TTN: variants seen among roughly 807,000 people sequenced by gnomAD.
TTN encodes titin, also known as connectin.
In TTN, 1,525 loss-of-function variants were observed where a neutral mutation model predicts 3,223.0. That is an observed-to-expected ratio of 0.47 (90% CI 0.45 to 0.49). The LOEUF is 0.49. Ranked by LOEUF, TTN falls within the 20% of genes least tolerant of loss-of-function variation. TTN has a pLI of 0.00. For missense variants in TTN, 40,786 were observed against 43,424.0 expected (o/e 0.94, Z 5.40); for synonymous variants, 14,094 against 15,161.0 (o/e 0.93, Z 5.17).
Position 178,592,378 on chromosome 2 carries a change from C to G in TTN, c.59626+1G>C. ...AATGGCCTAAGTAGTAAAATTCTTACCTAATACAAGTACTTTTACTGAGAC... is the reference window on the plus strand; with the variant it reads ...AATGGCCTAAGTAGTAAAATTCTTAGCTAATACAAGTACTTTTACTGAGAC... On this transcript the variant is annotated splice_donor_variant, in intron 301 of 362. Coordinates refer to ENST00000589042, the MANE Select transcript of TTN (RefSeq NM_001267550.2). LOFTEE classifies it high-confidence loss of function. 1 of 1,610,848 alleles carries G rather than the reference C, an allele frequency of 6.2e-7. No individual in the cohort carries two copies. The highest frequency in any genetic ancestry group is 8.5e-7 in the Non-Finnish European group (1 of 1,179,044).
rs779520068 is a variant in TTN at position 178,579,212 on chromosome 2, T to A, written c.67818A>T (p.Thr22606=). ...TTTGGCAATCGTACACTATAAGAGT[T>A]GTGTTAACCGCAGATGACTCAACAC... ...RVSVESSAVN[T]TLIVYDCQKS... The change falls in exon 320 of 363, where the codon ACA becomes ACT. Residue 22606 remains threonine, a synonymous_variant. Coordinates refer to ENST00000589042, the MANE Select transcript of TTN (RefSeq NM_001267550.2). The A allele has an allele frequency of 1.2e-6, 2 of 1,613,532 alleles. No homozygotes were observed. The highest frequency in any genetic ancestry group is 2.2e-5 in the South Asian group (2 of 91,064).
chr2:178,749,972 G>T, intron 47 of TTN: 1 of 1,613,156 alleles, frequency 6.2e-7, no homozygotes. Flanking sequence ...TCTGTGTTTT[G>T]GTGATTGAGT....
At chr2:178,750,579 GT>G (rs754802969) in intron 47 of TTN, 1 of 1,612,384 alleles carries the variant, frequency 6.2e-7, no homozygotes, top group Non-Finnish European at 8.5e-7. Context: ...GGTGGGCAAC[GT>G]TGTGGGCGTT....
chr2:178,527,681 G>A lies in TTN; in HGVS notation c.107445C>T (p.Ser35815=). 3 of 1,613,396 alleles carry A rather than the reference G, an allele frequency of 1.9e-6. No homozygotes were observed. The highest frequency in any genetic ancestry group is 2.5e-6 in the Non-Finnish European group (3 of 1,179,418). The change falls in exon 362 of 363, where the codon AGC becomes AGT. Residue 35815 remains serine, a synonymous_variant. Transcript: ENST00000589042. The stretch of plus-strand genomic sequence containing the variant: ...ACATTTGGACTGACTGAGACGAGAA[G>A]CTTCCTTGCAAGCTTGTGTCACCAC... ...RTSGDTSLQG[S]FSSQSVQMSA...
At position 178,680,248 on chromosome 2, in the gene TTN, A is replaced by C. The variant is rs200574819; in HGVS notation, c.33418+6T>G. On this transcript the variant is annotated splice_donor_region_variant and intron_variant, in intron 139 of 362. Coordinates refer to ENST00000589042, the MANE Select transcript of TTN (RefSeq NM_001267550.2). ...ACAAAACATTAAAATGAGTGCCATTAGGTACCTCTAACAGGTGGTGCTACT... is the reference window on the plus strand; with the variant it reads ...ACAAAACATTAAAATGAGTGCCATTCGGTACCTCTAACAGGTGGTGCTACT... 9.9e-6 allele frequency: 16 copies of C among 1,612,124 alleles called. No individual in the cohort carries two copies. In the African/African-American group the frequency reaches 1.9e-4, roughly 19 times the overall value.
chr2:178,721,823 T>C lies in TTN; in HGVS notation c.22816+24A>G, dbSNP rs768060290. ...ATGCAAATATGGTAAGGAACAAATA[T>C]TGTCAAAAGTCATGGAATGATACCT... On this transcript the variant is annotated intron_variant, in intron 78 of 362. Coordinates refer to ENST00000589042, the MANE Select transcript of TTN (RefSeq NM_001267550.2). The C allele has an allele frequency of 1.1e-5, 16 of 1,470,930 alleles. No homozygotes were observed. In the East Asian group the frequency reaches 1.2e-4, roughly 11 times the overall value. 91.1% of individuals were successfully genotyped at this position (1,470,930 alleles called of 1,614,324 possible). A position where few individuals can be genotyped will look rare whatever the true frequency, so the allele number is the denominator to read the frequency against.
intron 47 of TTN, chr2:178,745,221 T>C (rs2083261677): frequency 1.9e-6 from 2 of 1,062,690 alleles, no homozygotes; most frequent in Non-Finnish European, 2.3e-6. Flanking sequence ...CACTTTTACA[T>C]TGTACTTTTG....
chr2:178,600,863 C>A lies in TTN; in HGVS notation c.56041G>T (p.Asp18681Tyr). 1 of 1,612,780 alleles carries A rather than the reference C, an allele frequency of 6.2e-7. No homozygotes were observed. Among genetic ancestry groups the A allele is most frequent in the Non-Finnish European group, 8.5e-7 (1 of 1,179,152 alleles). The change falls in exon 288 of 363, where the codon GAC becomes TAC. Residue 18681 changes from aspartate (D) to tyrosine (Y), a missense_variant. By Grantham distance (160) the Asp-to-Tyr change is radical. Coordinates refer to ENST00000589042, the MANE Select transcript of TTN (RefSeq NM_001267550.2). ...GTACATTGGTACTTACATGTCTGGT[C>A]TTTGACAGTCACAGGGCCAACAGTG... ...SATVGPVTVK[D>Y]QTCPPSIDLK...
chr2:178,698,817 G>A, intron 112 of TTN, 26 bp downstream of exon 112: 1 of 1,531,698 alleles, frequency 6.5e-7, no homozygotes, highest in Admixed American at 2.1e-5. Flanking sequence ...AAAGTGTTAA[G>A]ACTGCTTTTT....
Position 178,671,989 on chromosome 2 carries a change from G to A in TTN, c.35209C>T (p.Pro11737Ser). 4 of 1,602,480 alleles carry A rather than the reference G, an allele frequency of 2.5e-6. No homozygotes were observed. The highest frequency in any genetic ancestry group is 3.4e-6 in the Non-Finnish European group (4 of 1,176,904). Residue 11737 changes from proline to serine, a missense_variant, in exon 155 of 363, where the codon CCA becomes TCA. By Grantham distance (74) the Pro-to-Ser change is moderately conservative. Coordinates refer to ENST00000589042, the MANE Select transcript of TTN (RefSeq NM_001267550.2). ...EAEEVEVFEKPKAPPKGPEIS... is the reference protein window; with the variant it reads ...EAEEVEVFEKSKAPPKGPEIS... Reference sequence around the variant, plus strand: ...CCTATACCTTTAGGTGGAGCTTTTGGTTTTTCAAATACTTCCACTTCTTCA... The same window carrying A: ...CCTATACCTTTAGGTGGAGCTTTTGATTTTTCAAATACTTCCACTTCTTCA...
rs1002120577 is a variant in TTN, at chr2:178,681,563, T to G, written c.33172+98A>C. On this transcript the variant is annotated intron_variant, in intron 136 of 362. Coordinates refer to ENST00000589042, the MANE Select transcript of TTN (RefSeq NM_001267550.2). ...AACATAATATTCCCAAACACACACA[T>G]AATTTGTACACTGCCACTTTTACAT... is the stretch of plus-strand genomic sequence containing the variant. 2.7e-6 allele frequency: 4 copies of G among 1,460,680 alleles called. No homozygotes were observed. The African/African-American group carries it at 4.3e-5, about 16-fold the overall frequency. The allele number at this position is 1,460,680 out of a possible 1,614,324, so 90.5% of individuals were successfully genotyped here.
Position 178,647,072 on chromosome 2 carries a change from G to A in TTN, c.40214C>T (p.Pro13405Leu), listed in dbSNP as rs201648893. 20 of 1,293,052 alleles carry A rather than the reference G, an allele frequency of 1.5e-5. No individual in the cohort carries two copies. Among genetic ancestry groups the A allele is most frequent in the Middle Eastern group, 5.2e-4 (2 of 3,850 alleles). 80.1% of individuals were successfully genotyped at this position (1,293,052 alleles called of 1,614,324 possible). A position where few individuals can be genotyped will look rare whatever the true frequency, so the allele number is the denominator to read the frequency against. The change falls in exon 215 of 363, where the codon CCT becomes CTT. Residue 13405 changes from proline to leucine, a missense_variant. Transcript: ENST00000589042. ...TATATATATATATATACCTTCAACA[G>A]GGGGAGTCTCTTTTCTACCAATGGT... is the stretch of plus-strand genomic sequence containing the variant. ...SITIGRKETP[P>L]VEEREIEKYI...
chr2:178,746,962 C>G (rs755252419), intron 47 of TTN: 2 of 1,613,486 alleles, frequency 1.2e-6, no homozygotes, highest in Admixed American at 3.3e-5. Flanking sequence ...TGTAGAAATG[C>G]TCATTTGGTG....
At position 178,663,708 on chromosome 2, in the gene TTN, G is replaced by C; in HGVS notation, c.36451C>G (p.Pro12151Ala). The C allele has an allele frequency of 6.2e-7, 1 of 1,613,174 alleles. No homozygotes were observed. Among genetic ancestry groups the C allele is most frequent in the East Asian group, 2.2e-5 (1 of 44,844 alleles). The change falls in exon 171 of 363, where the codon CCA becomes GCA. Residue 12151 changes from proline to alanine, a missense_variant and splice_region_variant. By Grantham distance (27) the Pro-to-Ala change is conservative (BLOSUM62 -1). Coordinates refer to ENST00000589042, the MANE Select transcript of TTN (RefSeq NM_001267550.2). ...KEPEVPPVKVPEPPKEVVPEK... is the reference protein window; with the variant it reads ...KEPEVPPVKVAEPPKEVVPEK... ...GGAACTACTTCTTTGGGAGGCTCTG[G>C]TACTTAAAAGATATTAGCAAAATTA...
chr2:178,538,081 A>G lies in TTN; in HGVS notation c.99290-164T>C, dbSNP rs577414313. 2.6e-4 allele frequency: 172 copies of G among 666,104 alleles called. No homozygotes were observed. The East Asian group carries it at 4.7e-3, about 18-fold the overall frequency. The allele number at this position is 666,104 out of a possible 1,614,324, so 41.3% of individuals were successfully genotyped here. ...TTTGAAGTGATTTTCCTAGGATCAT[A>G]TGGTAAATAGGGATTCAATGAGCAC... On this transcript the variant is annotated intron_variant, in intron 354 of 362. Transcript: ENST00000589042.
chr2:178,646,107 TATA>T (rs2061916687), intron 216 of TTN, 77 bp from the exon 217 acceptor site: 51 of 85,284 alleles, frequency 6.0e-4, no homozygotes, highest in African/African-American at 2.0e-3. Flanking sequence ...ATAGAAATTA[TATA>T]TATATATATA....
At chr2:178,726,122 T>C (rs2079295078) in intron 69 of TTN, 76 bp from the exon 70 acceptor site, 1 of 1,470,334 alleles carries the variant, frequency 6.8e-7, no homozygotes, top group Non-Finnish European at 9.0e-7. Flanking sequence ...TGTCTTTAAA[T>C]TGGAAGAAAG....
rs189208539 is a variant in TTN at position 178,575,226 on chromosome 2, G to A, written c.70906C>T (p.Arg23636Cys). ...ATGACCAGTTTCTGATAGATGCCAC[G>A]GAGATCCAGCTCTGGAAGCATTGTC... ...EQTMLPELDL[R>C]GIYQKLVIAK... The change falls in exon 326 of 363, where the codon CGT (arginine) becomes TGT (cysteine). Residue 23636 changes from arginine to cysteine, a missense_variant. Physicochemically the swap from Arg to Cys is radical, Grantham distance 180. Coordinates refer to ENST00000589042, the MANE Select transcript of TTN (RefSeq NM_001267550.2). The surrounding 1 kb of genome is among the most constrained non-coding windows in gnomAD (Gnocchi z 4.0). The A allele has an allele frequency of 4.3e-5, 70 of 1,612,866 alleles. No individual in the cohort carries two copies. In the African/African-American group the frequency reaches 6.1e-4, roughly 14 times the overall value.
chr2:178,569,248 A>G lies in TTN; in HGVS notation c.76884T>C (p.Asp25628=), dbSNP rs1289741713. The change falls in exon 326 of 363, where the codon GAT becomes GAC. Residue 25628 remains aspartate, a synonymous_variant. Transcript: ENST00000589042. ...TGTAATTTTTTATTTTGGATCCCCC[A>G]TCCAACAAAGGAGGTTCCCATGTAA... ...VSITWEPPLL[D]GGSKIKNYIV... is the part of the protein sequence containing the mutation. 6.2e-7 allele frequency: 1 copy of G among 1,604,224 alleles called. No individual in the cohort carries two copies. Among genetic ancestry groups the G allele is most frequent in the East Asian group, 2.2e-5 (1 of 44,752 alleles).
Sources: gnomAD v4.1 joint callset for allele counts on GRCh38, gnomAD v4.1.1 for gene constraint, Gnocchi (gnomAD v3.1) non-coding constraint, MANE v1.5 for transcripts, NCBI Gene and HGNC (gene_info 2026-07-23, HGNC 2026-07-21) for gene names.